Variants in COP1 observed in about 807,000 individuals in gnomAD.
COP1 encodes the protein COP1 E3 ubiquitin ligase, also known as E3 ubiquitin-protein ligase COP1.
Under a neutral mutation model 101.3 loss-of-function variants are expected in COP1, and 24 were observed. The observed-to-expected ratio is 0.24, with a 90% CI of 0.17 to 0.33. The LOEUF is 0.33. Among genes scored for constraint, COP1 ranks in the 10% least tolerant of loss-of-function variants. The pLI, the probability that COP1 is intolerant of heterozygous loss-of-function variation, is 1.00. For missense variants in COP1, 663 were observed against 906.2 expected, an observed-to-expected ratio of 0.73 and a Z score of 3.45; for synonymous variants, 347 against 341.9, an observed-to-expected ratio of 1.01 and a Z score of -0.17.
intron 11 of COP1, among the ~76,000 whole-genome samples, chr1:176,075,248 T>C (rs1677774484): frequency 2.0e-5 from 3 of 152,228 alleles, no homozygotes; most frequent in South Asian, 4.1e-4. Flanking sequence ...AAGGAATGTA[T>C]GATTTTTGTC....
At chr1:176,165,390 GTGTGT>G (rs1558240756) in intron 3 of COP1, among the ~76,000 whole-genome samples, 59 of 149,194 alleles carry the variant, frequency 4.0e-4, no homozygotes, top group Admixed American at 9.4e-4. Context: ...GTGTGTGTGT[GTGTGT>G]GTGTGTGTGT....
At chr1:176,066,714 G>GAATTCA (rs1382250487) in intron 11 of COP1, among the ~76,000 whole-genome samples, 1 of 152,120 alleles carries the variant, frequency 6.6e-6, no homozygotes, top group East Asian at 1.9e-4. Flanking sequence ...AAACATTAAT[G>GAATTCA]AATTCAATCT....
At chr1:176,058,102 C>T (rs1287672589) in intron 11 of COP1, among the ~76,000 whole-genome samples, 9 of 132,642 alleles carry the variant, frequency 6.8e-5, no homozygotes, top group South Asian at 2.8e-4. Flanking sequence ...CAGCCCCCGC[C>T]CGGCCAGCCA....
intron 1 of COP1, among the ~76,000 whole-genome samples, chr1:176,204,306 A>G (rs1457815036): frequency 1.3e-5 from 2 of 152,216 alleles, no homozygotes; most frequent in African/African-American, 4.8e-5. Context: ...AAGCATAAGC[A>G]TATCTTTAAA....
chr1:176,181,698 G>A (rs367874107), intron 2 of COP1, among the ~76,000 whole-genome samples: 4 of 152,064 alleles, frequency 2.6e-5, no homozygotes, highest in East Asian at 1.9e-4. Flanking sequence ...AAAATTAGCC[G>A]GGCGTGGTGG....
chr1:176,122,615 C>A (rs116334529), intron 8 of COP1, among the ~76,000 whole-genome samples: 2 of 152,094 alleles, frequency 1.3e-5, no homozygotes, highest in East Asian at 3.9e-4. Context: ...CAGAAAAAAA[C>A]TTCCCCAGCA....
At chr1:175,961,660 C>T (rs1651363403) in intron 18 of COP1, among the ~76,000 whole-genome samples, 1 of 127,750 alleles carries the variant, frequency 7.8e-6, no homozygotes, top group East Asian at 2.3e-4. Context: ...TGGGCCACTG[C>T]ATTCCAGCCT....
intron 18 of COP1, among the ~76,000 whole-genome samples, chr1:175,961,211 C>T (rs1306275894): frequency 6.6e-6 from 1 of 152,082 alleles, no homozygotes; most frequent in African/African-American, 2.4e-5. Context: ...AGCTAATACC[C>T]CAAATAAAAA....
chr1:176,000,373 T>A (rs539566994), intron 15 of COP1, among the ~76,000 whole-genome samples: 1 of 152,212 alleles, frequency 6.6e-6, no homozygotes, highest in Admixed American at 6.5e-5. Context: ...CTCCAGTGTA[T>A]GTTCTTGGCA....
chr1:176,114,600 G>T (rs1351062199), intron 9 of COP1, among the ~76,000 whole-genome samples: 1 of 144,186 alleles, frequency 6.9e-6, no homozygotes, highest in African/African-American at 2.5e-5. Context: ...GGGGGAGGGA[G>T]TGGGGGGGAA....
chr1:176,000,450 TTACACTAG>T (rs1207771766), intron 15 of COP1, among the ~76,000 whole-genome samples: 3 of 152,094 alleles, frequency 2.0e-5, no homozygotes, highest in African/African-American at 7.2e-5. Context: ...ATAGAATTGT[TTACACTAG>T]TATCACTGTA....
chr1:175,963,615 C>T (rs1184748099), intron 18 of COP1, among the ~76,000 whole-genome samples: 1 of 152,198 alleles, frequency 6.6e-6, no homozygotes, highest in African/African-American at 2.4e-5. Flanking sequence ...TAGTATACTG[C>T]CTGGTTGGTA....
intron 5 of COP1, among the ~76,000 whole-genome samples, chr1:176,154,535 C>T (rs776293520): frequency 3.3e-5 from 5 of 151,984 alleles, no homozygotes; most frequent in Non-Finnish European, 7.4e-5. Context: ...TAACACAGGA[C>T]GAAAACCAAA....
intron 3 of COP1, chr1:176,168,671 C>T (rs1695563627): frequency 7.1e-6 from 2 of 283,130 alleles, no homozygotes; most frequent in Admixed American, 8.4e-5. Flanking sequence ...TTACCTGAAT[C>T]AGCCTTTCAG....
Position 176,207,062 on chromosome 1 carries a change from C to T in COP1, c.-84G>A. On this transcript the variant is annotated 5_prime_UTR_variant, in exon 1 of 20. It removes the in-frame stop codon of an upstream open reading frame in the 5' UTR. Transcript: ENST00000367669. ...CCGCCGCCTCCCCTCCCCTCAGCCT[C>T]AGTGCATCCTGAGGACGCCCGCCGA... 1 of 1,185,844 alleles carries T rather than the reference C, an allele frequency of 8.4e-7. No individual in the cohort carries two copies. The highest frequency in any genetic ancestry group is 1.1e-6 in the Non-Finnish European group (1 of 915,778). 73.5% of individuals were successfully genotyped at this position (1,185,844 alleles called of 1,614,324 possible).
intron 14 of COP1, among the ~76,000 whole-genome samples, chr1:176,040,864 T>C (rs1670405488): frequency 6.6e-6 from 1 of 152,194 alleles, no homozygotes; most frequent in South Asian, 2.1e-4. Flanking sequence ...CTGAAAGTTA[T>C]AGGCAGAAAA....
chr1:176,167,497 A>G (rs1695323942), intron 3 of COP1, among the ~76,000 whole-genome samples: 1 of 152,084 alleles, frequency 6.6e-6, no homozygotes, highest in Non-Finnish European at 1.5e-5. Flanking sequence ...ACGTTTAGCT[A>G]ACACTTTCAC....
intron 10 of COP1, 82 bp downstream of exon 10, chr1:176,085,694 C>G: frequency 2.7e-6 from 2 of 742,052 alleles, no homozygotes; most frequent in Non-Finnish European, 4.4e-6. Flanking sequence ...GCAATTAGGA[C>G]TTTCCATAAA....
intron 11 of COP1, among the ~76,000 whole-genome samples, chr1:176,064,862 A>G (rs1330108506): frequency 6.6e-6 from 1 of 151,886 alleles, no homozygotes; most frequent in African/African-American, 2.4e-5. Flanking sequence ...GGGCTCAAGC[A>G]ATCTGCCTGC....
Sources: gnomAD v4.1 joint callset for allele counts (sites outside exome capture counted in the v4.1 genomes callset) on GRCh38, gnomAD v4.1.1 for gene constraint, MANE v1.5 for transcripts, NCBI Gene and HGNC (gene_info 2026-07-23, HGNC 2026-07-21) for gene names.